WASF2: variants seen among roughly 807,000 people sequenced by gnomAD.
The protein encoded by WASF2 is WASP family member 2, also known as actin-binding protein WASF2.
Under a neutral mutation model 45.0 loss-of-function variants are expected in WASF2, and 14 were observed. The ratio of observed to expected loss-of-function variants is 0.31; its 90% CI spans 0.21 to 0.49. WASF2 has a LOEUF of 0.49. Among genes scored for constraint, WASF2 ranks in the 20% least tolerant of loss-of-function variants. WASF2 has a pLI of 0.99. For missense variants in WASF2, 439 were observed against 636.1 expected (o/e 0.69, Z 3.33); for synonymous variants, 200 against 236.3 (o/e 0.85, Z 1.41).
chr1:27,426,031 T>TA (rs552727265), intron 2 of WASF2, among the ~76,000 whole-genome samples: 72 of 145,582 alleles, frequency 4.9e-4, no homozygotes, highest in African/African-American at 9.3e-4. Flanking sequence ...ACACAAAAAT[T>TA]AAAAAAAAAA....
rs41291106 is a variant in WASF2 at position 27,405,261 on chromosome 1, G to A, written c.*2928C>T. 0.011 allele frequency: 1,613 copies of A among 152,422 alleles called. 11 individuals are homozygous for A. Among genetic ancestry groups the A allele is most frequent in the Non-Finnish European group, 0.014 (922 of 68,110 alleles). The allele number at this position is 152,422 out of a possible 1,614,324, so 9.4% of individuals were successfully genotyped here. On this transcript the variant is annotated 3_prime_UTR_variant, in exon 9 of 9. Coordinates refer to ENST00000618852, the MANE Select transcript of WASF2 (RefSeq NM_006990.5). ...GGGCCAGCTGCTCTGAGCCTCCAAG[G>A]GCTGGCTGAGCCTGCCCCCTCCCCC...
chr1:27,404,286 T>C lies in WASF2; in HGVS notation c.*3903A>G, dbSNP rs2016630806. 1 of 152,252 alleles carries C rather than the reference T, an allele frequency of 6.6e-6. No individual in the cohort carries two copies. The highest frequency in any genetic ancestry group is 1.9e-4 in the East Asian group (1 of 5,204). The allele number at this position is 152,252 out of a possible 1,614,324, so 9.4% of individuals were successfully genotyped here. ...TTAAATGTTGGCATTTAAGTATTCA[T>C]GTGTATACAGTTACATGGAACCTTC... On this transcript the variant is annotated 3_prime_UTR_variant, in exon 9 of 9. Transcript: ENST00000618852.
At chr1:27,426,579 C>T (rs2016984051) in intron 2 of WASF2, among the ~76,000 whole-genome samples, 1 of 150,734 alleles carries the variant, frequency 6.6e-6, no homozygotes, top group Non-Finnish European at 1.5e-5. Flanking sequence ...GGCACAATCT[C>T]AGCTTACTAC....
At chr1:27,444,882 A>C (rs1254726869) in intron 1 of WASF2, among the ~76,000 whole-genome samples, 6 of 152,190 alleles carry the variant, frequency 3.9e-5, no homozygotes, top group Non-Finnish European at 7.3e-5. Flanking sequence ...CTTTCATCTT[A>C]AAAGCCCGAG....
rs1050083149 is a variant in WASF2, at chr1:27,406,155, G to C, written c.*2034C>G. On this transcript the variant is annotated 3_prime_UTR_variant, in exon 9 of 9. Coordinates refer to ENST00000618852, the MANE Select transcript of WASF2 (RefSeq NM_006990.5). ...GCCTCTCCAACTACTGCTGGGCTGC[G>C]GCCCAGGCGCCTTCAACGACCATTT... is the stretch of plus-strand genomic sequence containing the variant. 6.5e-6 allele frequency: 1 copy of C among 152,698 alleles called. No individual in the cohort carries two copies. Among genetic ancestry groups the C allele is most frequent in the African/African-American group, 2.4e-5 (1 of 41,444 alleles). The allele number at this position is 152,698 out of a possible 1,614,324, so 9.5% of individuals were successfully genotyped here.
intron 1 of WASF2, among the ~76,000 whole-genome samples, chr1:27,489,452 G>A (rs9438579): frequency 2.1e-4 from 9 of 42,718 alleles, no homozygotes; most frequent in East Asian, 1.3e-3. Flanking sequence ...TTCATGGTAC[G>A]TACACACACA....
intron 8 of WASF2, among the ~76,000 whole-genome samples, chr1:27,409,156 G>A (rs2016721512): frequency 6.6e-6 from 1 of 152,060 alleles, no homozygotes; most frequent in Admixed American, 6.5e-5. Flanking sequence ...CGGGCGCGGT[G>A]GCTCACGCCT....
intron 1 of WASF2, among the ~76,000 whole-genome samples, chr1:27,439,568 A>G (rs1276197781): frequency 6.6e-6 from 1 of 152,252 alleles, no homozygotes; most frequent in Admixed American, 6.5e-5. Context: ...CCAGGAGCTT[A>G]TAATTTAGTT....
chr1:27,408,929 C>T (rs1204520177), intron 8 of WASF2, among the ~76,000 whole-genome samples: 1 of 151,990 alleles, frequency 6.6e-6, no homozygotes, highest in Non-Finnish European at 1.5e-5. Context: ...ACACGAAGGG[C>T]AGAGCAGTGG....
At chr1:27,441,221 G>A (rs1251173118) in intron 1 of WASF2, among the ~76,000 whole-genome samples, 1 of 152,078 alleles carries the variant, frequency 6.6e-6, no homozygotes, top group African/African-American at 2.4e-5. Context: ...GGCTGGGAGT[G>A]GTGGCTCATG....
intron 1 of WASF2, among the ~76,000 whole-genome samples, chr1:27,487,537 T>TATAATATATATTATATATATTTTATACA (rs2017951749): frequency 9.3e-6 from 1 of 107,698 alleles, no homozygotes; most frequent in South Asian, 2.3e-4. Flanking sequence ...TTATACAATA[T>TATAATATATATTATATATATTTTATACA]ATAATATATA....
intron 1 of WASF2, among the ~76,000 whole-genome samples, chr1:27,460,473 T>C (rs887045401): frequency 6.6e-6 from 1 of 152,240 alleles, no homozygotes; most frequent in Middle Eastern, 3.2e-3. Flanking sequence ...GCAATTATCA[T>C]GTCCTGTCAC....
rs1571120721 is a variant in WASF2 at position 27,414,836 on chromosome 1, G to A, written c.665C>T (p.Ser222Phe). ...FVESKEKLGT[S>F]GYPPTLVYQN... is the part of the protein sequence containing the mutation. ...ACAGTACAAAGGCATTACCTACCCA[G>A]AAGTCCCCAGCTTTTCTTTGGACTC... is the stretch of plus-strand genomic sequence containing the variant. Residue 222 changes from serine to phenylalanine, a missense_variant, in exon 6 of 9, where the codon TCT (serine) becomes TTT (phenylalanine). Around this residue, in one of 5 missense-constraint regions of WASF2, gnomAD observed 286 missense variants for 373.5 expected, o/e 0.77. Transcript: ENST00000618852. This position sits in a 1 kb window ranked among gnomAD's most constrained non-coding sequence, Gnocchi z 4.1. 6.2e-7 allele frequency: 1 copy of A among 1,614,110 alleles called. No individual in the cohort carries two copies. The highest frequency in any genetic ancestry group is 8.5e-7 in the Non-Finnish European group (1 of 1,180,030).
chr1:27,461,758 G>A (rs997299099), intron 1 of WASF2, among the ~76,000 whole-genome samples: 29 of 152,158 alleles, frequency 1.9e-4, no homozygotes, highest in African/African-American at 6.7e-4. Context: ...ACAGGCGTGA[G>A]CCACCGCGCC....
intron 6 of WASF2, 31 bp from the exon 7 acceptor site, chr1:27,412,758 A>G: frequency 6.2e-7 from 1 of 1,613,166 alleles, no homozygotes; most frequent in Non-Finnish European, 8.5e-7. Context: ...AAAAACTGTC[A>G]TTTAAAGAGC....
At position 27,481,725 on chromosome 1, in the gene WASF2, A is replaced by AAAAAAAG. The variant is rs544974549; in HGVS notation, c.-44+8254_-44+8260dup. 1.8e-3 allele frequency among the ~76,000 whole-genome samples: 280 copies of AAAAAAAG among 152,230 alleles called. 2 individuals carry two copies. The highest frequency in any genetic ancestry group is 6.4e-3 in the African/African-American group (264 of 41,548). On this transcript the variant is annotated intron_variant, in intron 1 of 8. Coordinates refer to ENST00000618852, the MANE Select transcript of WASF2 (RefSeq NM_006990.5). The stretch of plus-strand genomic sequence containing the variant: ...GGCGACAGAGCAAGACTCCATCTCA[A>AAAAAAAG]AAAAAAGAAAAAAGAAAAAAAAAGA...
At chr1:27,467,248 A>C (rs1478851990) in intron 1 of WASF2, among the ~76,000 whole-genome samples, 1 of 149,568 alleles carries the variant, frequency 6.7e-6, no homozygotes, top group Non-Finnish European at 1.5e-5. Context: ...ACACACACAC[A>C]CACACACAAA....
chr1:27,428,401 T>C (rs1414414164), intron 2 of WASF2, among the ~76,000 whole-genome samples: 1 of 152,182 alleles, frequency 6.6e-6, no homozygotes, highest in Non-Finnish European at 1.5e-5. Context: ...TACAGGCACA[T>C]TCCCCGACCC....
chr1:27,450,180 G>A (rs985533151), intron 1 of WASF2, among the ~76,000 whole-genome samples: 2 of 44,564 alleles, frequency 4.5e-5, no homozygotes, highest in African/African-American at 1.1e-4. Flanking sequence ...CAAGACTACC[G>A]TGACAACATG....
Sources: allele counts gnomAD v4.1 joint callset (sites outside exome capture counted in the v4.1 genomes callset), GRCh38; gene constraint gnomAD v4.1.1; regional missense constraint gnomAD v4.1.1; non-coding constraint Gnocchi (gnomAD v3.1); transcripts MANE v1.5; gene names NCBI Gene and HGNC (gene_info 2026-07-23, HGNC 2026-07-21).